The following LZTFL1 variants were observed in gnomAD, a reference collection of about 807,000 sequenced individuals.
LZTFL1 encodes the protein leucine zipper transcription factor like 1, also known as leucine zipper transcription factor-like protein 1.
Under a neutral mutation model 45.9 loss-of-function variants are expected in LZTFL1, and 25 were observed. That is an observed-to-expected ratio of 0.54 (90% CI 0.40 to 0.76). The LOEUF (loss-of-function observed/expected upper bound fraction) is 0.76. Ranked by LOEUF, LZTFL1 falls within the 30% of genes least tolerant of loss-of-function variation. LZTFL1 has a pLI of 0.00. For missense variants in LZTFL1, 277 were observed against 331.1 expected (o/e 0.84, Z 1.27); for synonymous variants, 93 against 117.4 (o/e 0.79, Z 1.35).
intron 1 of LZTFL1, among the ~76,000 whole-genome samples, chr3:45,840,851 C>G (rs1051159970): frequency 6.6e-6 from 1 of 152,188 alleles, no homozygotes. Context: ...AAAATGAGCA[C>G]AGTTTAATAA....
intron 2 of LZTFL1, among the ~76,000 whole-genome samples, chr3:45,888,691 T>C (rs1004058716): frequency 6.6e-6 from 1 of 152,178 alleles, no homozygotes; most frequent in African/African-American, 2.4e-5. Flanking sequence ...ATGTGGGATT[T>C]TCCCCCCTAT....
chr3:45,909,878 C>T (rs1014331470), intron 2 of LZTFL1, among the ~76,000 whole-genome samples: 1 of 152,210 alleles, frequency 6.6e-6, no homozygotes, highest in African/African-American at 2.4e-5. Flanking sequence ...CTAAGGACCA[C>T]AGGAAAACTG....
intron 7 of LZTFL1, 95 bp downstream of exon 7, chr3:45,830,818 G>A (rs1261295109): frequency 9.9e-7 from 1 of 1,005,602 alleles, no homozygotes; most frequent in Non-Finnish European, 1.5e-6. Flanking sequence ...AGTAGCAGGG[G>A]TGGGGTACAG....
At chr3:45,877,824 C>G (rs1282399932) in intron 2 of LZTFL1, among the ~76,000 whole-genome samples, 1 of 150,852 alleles carries the variant, frequency 6.6e-6, no homozygotes, top group East Asian at 2.0e-4. Context: ...TGGCGCACTG[C>G]AACCTCTGCC....
intron 2 of LZTFL1, among the ~76,000 whole-genome samples, chr3:45,861,658 G>A (rs1701493255): frequency 6.6e-6 from 1 of 152,174 alleles, no homozygotes; most frequent in African/African-American, 2.4e-5. Context: ...TCTTGTGCCT[G>A]CTTATTTGCA....
chr3:45,877,741 G>GT (rs71288016), intron 2 of LZTFL1, among the ~76,000 whole-genome samples: 12,774 of 137,074 alleles, frequency 0.093, 927 homozygotes, highest in South Asian at 0.36. Context: ...TCATTTATTA[G>GT]TTTTTTTTTT....
rs1412331657 is a variant in LZTFL1 at position 45,900,036 on chromosome 3, T to TGCA, written c.-215+13083_-215+13084insTGC. Reference sequence around the variant, plus strand: ...GTACGAGAGCATGTGCAAGTGCATGTATTATGTGTATGCATGTACATATGA... The same window carrying TGCA: ...GTACGAGAGCATGTGCAAGTGCATGTGCAATTATGTGTATGCATGTACATATGA... On this transcript the variant is annotated intron_variant, in intron 2 of 4. Coordinates refer to the LZTFL1 transcript ENST00000472635. This position sits in a 1 kb window ranked among gnomAD's most constrained non-coding sequence, Gnocchi z 4.7. Among the ~76,000 whole-genome samples the TGCA allele has an allele frequency of 6.6e-6, 1 of 152,230 alleles. No individual in the cohort carries two copies. The highest frequency in any genetic ancestry group is 2.4e-5 in the African/African-American group (1 of 41,458).
chr3:45,837,447 A>G (rs1700995468), intron 2 of LZTFL1, among the ~76,000 whole-genome samples: 1 of 152,210 alleles, frequency 6.6e-6, no homozygotes, highest in Non-Finnish European at 1.5e-5. Context: ...CGGTCCAACC[A>G]TTATCATCTC....
chr3:45,915,322 CG>C (rs1193819501), intron 1 of LZTFL1: 1 of 331,798 alleles, frequency 3.0e-6, no homozygotes, highest in Non-Finnish European at 6.1e-6. Context: ...CTTTGCTCTC[CG>C]ATCTTTTATC....
chr3:45,871,598 T>G (rs1174390754), intron 2 of LZTFL1, among the ~76,000 whole-genome samples: 1 of 152,224 alleles, frequency 6.6e-6, no homozygotes, highest in African/African-American at 2.4e-5. Flanking sequence ...CTAGACATTT[T>G]TCTTTATTTC....
rs1701007645 is a variant in LZTFL1, at chr3:45,837,955, A to C, written c.100T>G (p.Ser34Ala). 1 of 1,613,278 alleles carries C rather than the reference A, an allele frequency of 6.2e-7. No individual in the cohort carries two copies. Among genetic ancestry groups the C allele is most frequent in the Non-Finnish European group, 8.5e-7 (1 of 1,179,754 alleles). ...KRGLRLKTVD[S>A]CFQDLKESRL... ...CTCTCCTTGAGGTCTTGGAAGCAGG[A>C]ATCTACAGTTTTGAGTCTCAAGCCT... Residue 34 changes from serine (S) to alanine (A), a missense_variant, in exon 2 of 10, where the codon TCC becomes GCC. By Grantham distance (99) the Ser-to-Ala change is moderately conservative. Coordinates refer to ENST00000296135, the MANE Select transcript of LZTFL1 (RefSeq NM_020347.4).
rs570350045 is a variant in LZTFL1 at position 45,836,265 on chromosome 3, G to A, written c.129-481C>T. 2.0e-5 allele frequency among the ~76,000 whole-genome samples: 3 copies of A among 152,144 alleles called. No homozygotes were observed. In the South Asian group the frequency reaches 6.2e-4, roughly 32 times the overall value. On this transcript the variant is annotated intron_variant, in intron 2 of 9. Transcript: ENST00000296135. ...ATATTGCTTCTCTTTGCATTCTTGA[G>A]ACCCAAAATAATAATAATAATAAAA...
chr3:45,865,399 A>G (rs1701561867), intron 2 of LZTFL1, among the ~76,000 whole-genome samples: 1 of 152,278 alleles, frequency 6.6e-6, no homozygotes, highest in African/African-American at 2.4e-5. Flanking sequence ...GAGTGAAACC[A>G]GAGTTAGAGC....
At chr3:45,857,517 A>T (rs1457706521) in intron 3 of LZTFL1, among the ~76,000 whole-genome samples, 1 of 152,252 alleles carries the variant, frequency 6.6e-6, no homozygotes, top group East Asian at 1.9e-4. Context: ...TTTGAATTAA[A>T]TTAAATTTAA....
intron 2 of LZTFL1, among the ~76,000 whole-genome samples, chr3:45,896,671 A>C (rs983057725): frequency 6.6e-6 from 1 of 152,198 alleles, no homozygotes; most frequent in Non-Finnish European, 1.5e-5. Context: ...AAAGCACTGA[A>C]ATCCAGGTCT....
upstream of LZTFL1, among the ~76,000 whole-genome samples, chr3:45,843,093 A>C (rs1701158712): frequency 1.3e-5 from 2 of 152,206 alleles, no homozygotes; most frequent in African/African-American, 4.8e-5. Context: ...TGGCGTGGGT[A>C]TGCCCAACTT....
chr3:45,828,598 T>C lies in LZTFL1; in HGVS notation c.618A>G (p.Gln206=), dbSNP rs1420991889. The change falls in exon 8 of 10, where the codon CAA becomes CAG. Residue 206 remains glutamine, a synonymous_variant. Coordinates refer to ENST00000296135, the MANE Select transcript of LZTFL1 (RefSeq NM_020347.4). The stretch of plus-strand genomic sequence containing the variant: ...CAGTGTTTTCTAAGTTACTTAAGTC[T>C]TGGGCCTTTATAAAATCCTATGAAA... ...QGNQKDFIKA[Q]DLSNLENTVA... 23 of 1,607,384 alleles carry C rather than the reference T, an allele frequency of 1.4e-5. No individual in the cohort carries two copies. The highest frequency in any genetic ancestry group is 1.7e-5 in the Non-Finnish European group (20 of 1,178,270).
In LZTFL1 at chr3:45,900,666, C is replaced by A; in HGVS notation, c.-215+12454G>T. ...ATAAATAAATATGTCACAACCCAAG[C>A]AGATGTCCTCAGAATGCCTATGTGT... On this transcript the variant is annotated intron_variant, in intron 2 of 4. Transcript: ENST00000472635. This position sits in a 1 kb window ranked among gnomAD's most constrained non-coding sequence, Gnocchi z 4.7. The A allele has an allele frequency of 1.4e-6, 1 of 730,120 alleles. No individual in the cohort carries two copies. The highest frequency in any genetic ancestry group is 2.3e-6 in the Non-Finnish European group (1 of 436,244). The allele number at this position is 730,120 out of a possible 1,614,324, so 45.2% of individuals were successfully genotyped here.
In LZTFL1 at chr3:45,828,352, A is replaced by G. The variant is rs114171992; in HGVS notation, c.777+87T>C. On this transcript the variant is annotated intron_variant, in intron 8 of 9. Transcript: ENST00000296135. ...AATAATCTGAATTTGCAGTTGTCCA[A>G]CGTTTATCTTAGCCACATGTATTCC... The G allele has an allele frequency of 2.8e-4, 329 of 1,171,462 alleles. 1 individual carries two copies. The African/African-American group carries it at 4.5e-3, about 16-fold the overall frequency. 72.6% of individuals were successfully genotyped at this position (1,171,462 alleles called of 1,614,324 possible). A position where few individuals can be genotyped will look rare whatever the true frequency, so the allele number is the denominator to read the frequency against.
Sources: gnomAD v4.1 joint callset for allele counts (sites outside exome capture counted in the v4.1 genomes callset) on GRCh38, gnomAD v4.1.1 for gene constraint, Gnocchi (gnomAD v3.1) non-coding constraint, MANE v1.5 for transcripts, NCBI Gene and HGNC (gene_info 2026-07-23, HGNC 2026-07-21) for gene names.